ENAM: variants seen among roughly 807,000 people sequenced by gnomAD.
ENAM encodes the protein amelogenesis imperfecta 2, hypocalcification (autosomal dominant).
ENAM carries 21 observed loss-of-function variants against 33.6 expected under a neutral mutation model. The ratio of observed to expected loss-of-function variants is 0.63; its 90% CI spans 0.44 to 0.90. The LOEUF is 0.90. ENAM is among the 40% of genes least tolerant of loss of function. The pLI, the probability that ENAM is intolerant of heterozygous loss-of-function variation, is 0.00. For synonymous variants in ENAM, 473 were observed against 468.4 expected, an observed-to-expected ratio of 1.01 and a Z score of -0.13; for missense variants, 1,388 against 1,366.9, an observed-to-expected ratio of 1.02 and a Z score of -0.24.
At position 70,643,662 on chromosome 4, in the gene ENAM, T is replaced by A. The variant is rs1738672179; in HGVS notation, c.2236T>A (p.Tyr746Asn). The change falls in exon 9 of 9, where the codon TAC becomes AAC. Residue 746 changes from tyrosine to asparagine, a missense_variant. By Grantham distance (143) the Tyr-to-Asn change is moderately radical. Transcript: ENST00000396073. ...GCCACCACCTATAGAGAGCAGGGGC[T>A]ACTACGTTAATAATGCCGCTGGACC... ...TMPPPIESRGYYVNNAAGPEE... is the reference protein window; with the variant it reads ...TMPPPIESRGNYVNNAAGPEE... The A allele has an allele frequency of 6.2e-7, 1 of 1,614,032 alleles. No homozygotes were observed.
chr4:70,630,652 G>A (rs1738288410), intron 2 of ENAM, among the ~76,000 whole-genome samples: 1 of 151,904 alleles, frequency 6.6e-6, no homozygotes, highest in Non-Finnish European at 1.5e-5. Context: ...AAGTCTATAT[G>A]TTTAATCAAG....
intron 1 of ENAM, among the ~76,000 whole-genome samples, chr4:70,629,177 T>TTACTACTG (rs1321953990): frequency 6.6e-6 from 1 of 152,146 alleles, no homozygotes; most frequent in Non-Finnish European, 1.5e-5. Context: ...TAGACCTCCT[T>TTACTACTG]TACTACTGTG....
chr4:70,644,583 C>G lies in ENAM; in HGVS notation c.3157C>G (p.Leu1053Val). 6.8e-6 allele frequency: 11 copies of G among 1,613,130 alleles called. No individual in the cohort carries two copies. Among genetic ancestry groups the G allele is most frequent in the Non-Finnish European group, 8.5e-6 (10 of 1,179,282 alleles). Reference sequence around the variant, plus strand: ...GCAACAGCAAAGACCATCTAACATTCTGCATTTGCCATGCTTTGGCTCCAA... The same window carrying G: ...GCAACAGCAAAGACCATCTAACATTGTGCATTTGCCATGCTTTGGCTCCAA... ...ERQQQRPSNI[L>V]HLPCFGSKLA... The change falls in exon 9 of 9, where the codon CTG becomes GTG. Residue 1053 changes from leucine (L) to valine (V), a missense_variant. Transcript: ENST00000396073.
At chr4:70,630,144 T>C (rs1301780278) in intron 2 of ENAM, among the ~76,000 whole-genome samples, 1 of 152,206 alleles carries the variant, frequency 6.6e-6, no homozygotes, top group Non-Finnish European at 1.5e-5. Context: ...GTAGGAAAGG[T>C]ATTTACATAC....
chr4:70,642,611 A>G lies in ENAM; in HGVS notation c.1185A>G (p.Ala395=). 6.2e-7 allele frequency: 1 copy of G among 1,614,078 alleles called. No homozygotes were observed. Among genetic ancestry groups the G allele is most frequent in the East Asian group, 2.2e-5 (1 of 44,882 alleles). The change falls in exon 9 of 9, where the codon GCA becomes GCG. Residue 395 remains alanine (A), a synonymous_variant. Coordinates refer to ENST00000396073, the MANE Select transcript of ENAM (RefSeq NM_031889.3). ...PTSRGNYPNY[A]GNPANLRRKP... ...CAAGAGGCAATTATCCCAATTATGC[A>G]GGAAATCCAGCAAATCTCAGAAGAA...
chr4:70,634,692 C>T (rs1373775747), intron 6 of ENAM, 124 bp downstream of exon 6: 3 of 977,982 alleles, frequency 3.1e-6, no homozygotes, highest in Non-Finnish European at 4.9e-6. Context: ...TTTGTTTTGA[C>T]ATGCATCCAA....
intron 7 of ENAM, among the ~76,000 whole-genome samples, chr4:70,637,396 T>A (rs1159082861): frequency 2.6e-5 from 4 of 152,164 alleles, no homozygotes; most frequent in Admixed American, 6.5e-5. Context: ...TGTTCTAATA[T>A]GGATACTTGG....
At chr4:70,639,335 A>G (rs1738541422) in intron 8 of ENAM, among the ~76,000 whole-genome samples, 1 of 152,084 alleles carries the variant, frequency 6.6e-6, no homozygotes, top group African/African-American at 2.4e-5. Flanking sequence ...CACACCTGCA[A>G]TCCCAGCACT....
chr4:70,632,228 A>G (rs1370199234), intron 4 of ENAM, among the ~76,000 whole-genome samples: 1 of 152,136 alleles, frequency 6.6e-6, no homozygotes, highest in East Asian at 1.9e-4. Flanking sequence ...AAATAGAAAT[A>G]CCTTTCACAT....
At chr4:70,634,606 G>A (rs1282991230) in intron 6 of ENAM, 38 bp downstream of exon 6, 16 of 1,608,188 alleles carry the variant, frequency 9.9e-6, no homozygotes, top group Non-Finnish European at 1.1e-5. Context: ...TCTGTAAATG[G>A]CCTCGGAGAG....
chr4:70,642,061 C>T lies in ENAM; in HGVS notation c.635C>T (p.Pro212Leu), dbSNP rs760872361. Residue 212 changes from proline (P) to leucine (L), a missense_variant, in exon 9 of 9, where the codon CCT (proline) becomes CTT (leucine). Transcript: ENST00000396073. ...YFGYHGFGGRPPYYSEEMFEQ... is the reference protein window; with the variant it reads ...YFGYHGFGGRLPYYSEEMFEQ... ...GGATATCATGGCTTTGGGGGTCGCC[C>T]TCCTTATTATTCAGAAGAAATGTTT... The T allele has an allele frequency of 6.2e-6, 10 of 1,613,888 alleles. No homozygotes were observed. Among genetic ancestry groups the T allele is most frequent in the Non-Finnish European group, 8.5e-6 (10 of 1,179,940 alleles).
chr4:70,630,559 T>A (rs1394508293), intron 2 of ENAM, among the ~76,000 whole-genome samples: 1 of 152,196 alleles, frequency 6.6e-6, no homozygotes, highest in Non-Finnish European at 1.5e-5. Flanking sequence ...AATACGAGAC[T>A]TAATTTTACA....
At chr4:70,640,266 G>A (rs1027866247) in intron 8 of ENAM, among the ~76,000 whole-genome samples, 1 of 152,196 alleles carries the variant, frequency 6.6e-6, no homozygotes, top group African/African-American at 2.4e-5. Context: ...GGATAATTGT[G>A]ATGACAGAAA....
At position 70,643,943 on chromosome 4, in the gene ENAM, T is replaced by G. The variant is rs1442762954; in HGVS notation, c.2517T>G (p.Asn839Lys). The change falls in exon 9 of 9, where the codon AAT (asparagine) becomes AAG (lysine). Residue 839 changes from asparagine (N) to lysine (K), a missense_variant. Coordinates refer to ENST00000396073, the MANE Select transcript of ENAM (RefSeq NM_031889.3). ...LNYGMQITRM[N>K]SPEREHSSFP... ...ATGGCATGCAAATAACTAGGATGAA[T>G]TCTCCAGAGAGAGAACATTCATCTT... is the stretch of plus-strand genomic sequence containing the variant. The G allele has an allele frequency of 2.5e-6, 4 of 1,614,034 alleles. No individual in the cohort carries two copies. The African/African-American group carries it at 5.3e-5, about 22-fold the overall frequency.
rs1429278947 is a variant in ENAM, at chr4:70,642,905, C to T, written c.1479C>T (p.Asn493=). 4 of 1,613,962 alleles carry T rather than the reference C, an allele frequency of 2.5e-6. No homozygotes were observed. The highest frequency in any genetic ancestry group is 1.7e-5 in the Admixed American group (1 of 59,998). Residue 493 remains asparagine (N), a synonymous_variant, in exon 9 of 9, where the codon AAC becomes AAT. Coordinates refer to ENST00000396073, the MANE Select transcript of ENAM (RefSeq NM_031889.3). Reference sequence around the variant, plus strand: ...TTAATTCTGTTGATCAACATGAAAACTCCTATTACCCAAGAGGAGATTCCA... The same window carrying T: ...TTAATTCTGTTGATCAACATGAAAATTCCTATTACCCAAGAGGAGATTCCA... ...PNFNSVDQHE[N]SYYPRGDSRK...
Position 70,642,039 on chromosome 4 carries a change from T to C in ENAM, c.613T>C (p.Tyr205His), listed in dbSNP as rs769869494. 4 of 1,613,564 alleles carry C rather than the reference T, an allele frequency of 2.5e-6. No individual in the cohort carries two copies. Among genetic ancestry groups the C allele is most frequent in the Non-Finnish European group, 3.4e-6 (4 of 1,179,562 alleles). ...GGNPYFGYFGYHGFGGRPPYY... is the reference protein window; with the variant it reads ...GGNPYFGYFGHHGFGGRPPYY... ...GAATCCTTACTTTGGATATTTTGGA[T>C]ATCATGGCTTTGGGGGTCGCCCTCC... Residue 205 changes from tyrosine to histidine, a missense_variant, in exon 9 of 9, where the codon TAT becomes CAT. Coordinates refer to ENST00000396073, the MANE Select transcript of ENAM (RefSeq NM_031889.3).
rs1236558115 is a variant in ENAM at position 70,641,968 on chromosome 4, G to A, written c.589-47G>A. 4.9e-6 allele frequency: 7 copies of A among 1,417,136 alleles called. No individual in the cohort carries two copies. In the South Asian group the frequency reaches 6.9e-5, roughly 14 times the overall value. The allele number at this position is 1,417,136 out of a possible 1,614,324, so 87.8% of individuals were successfully genotyped here. A position where few individuals can be genotyped will look rare whatever the true frequency, so the allele number is the denominator to read the frequency against. On this transcript the variant is annotated intron_variant, in intron 8 of 8. Transcript: ENST00000396073. ...ACTAAAAAATTCCAAACAACACCAT[G>A]GTGGGAAACAAAGGGCAATTATTGA... is the stretch of plus-strand genomic sequence containing the variant.
intron 2 of ENAM, among the ~76,000 whole-genome samples, chr4:70,630,174 T>C (rs1738274628): frequency 2.0e-5 from 3 of 152,220 alleles, no homozygotes; most frequent in South Asian, 4.1e-4. Flanking sequence ...CTTTGTTTAA[T>C]TACATTCTGC....
At chr4:70,632,765 G>A in intron 5 of ENAM, 73 bp downstream of exon 5, 1 of 1,030,238 alleles carries the variant, frequency 9.7e-7, no homozygotes, top group South Asian at 1.3e-5. Flanking sequence ...GTTTGCCTTA[G>A]TCAATAGAGA....
Sources: gnomAD v4.1 joint callset for allele counts (sites outside exome capture counted in the v4.1 genomes callset) on GRCh38, gnomAD v4.1.1 for gene constraint, MANE v1.5 for transcripts, NCBI Gene and HGNC (gene_info 2026-07-23, HGNC 2026-07-21) for gene names.